The following PACRGL variants were observed in gnomAD, a reference collection of about 807,000 sequenced individuals.
PACRGL encodes PACRG-like protein.
In PACRGL, 38 loss-of-function variants were observed where a neutral mutation model predicts 34.5. The ratio of observed to expected loss-of-function variants is 1.10; its 90% CI spans 0.85 to 1.44. The LOEUF (loss-of-function observed/expected upper bound fraction) is 1.44, where lower values mean the gene tolerates loss of function less well. Ranked by LOEUF, PACRGL falls within the 40% of genes most tolerant of loss-of-function variation. The probability of loss-of-function intolerance (pLI) is 0.00; values close to 1 mark genes in which losing one functional copy is unlikely to be tolerated. For missense variants in PACRGL, 305 were observed against 281.4 expected (o/e 1.08, Z -0.60); for synonymous variants, 128 against 100.1 (o/e 1.28, Z -1.66).
rs1030930527 is a variant in PACRGL, at chr4:20,731,437, C to A, written c.*4096C>A. On this transcript the variant is annotated 3_prime_UTR_variant, in exon 9 of 9. Transcript: ENST00000503585. Reference sequence around the variant, plus strand: ...TCAAATAATTCTAAGTAAGCTAACACTGGTTTCTTTGATAACAGGCTACTA... The same window carrying A: ...TCAAATAATTCTAAGTAAGCTAACAATGGTTTCTTTGATAACAGGCTACTA... The A allele has an allele frequency of 1.0e-6, 1 of 985,236 alleles. No individual in the cohort carries two copies. The highest frequency in any genetic ancestry group is 1.7e-5 in the African/African-American group (1 of 57,242). 61.0% of individuals were successfully genotyped at this position (985,236 alleles called of 1,614,324 possible).
chr4:20,724,759 ATTG>A (rs1181268242), intron 7 of PACRGL, 46 bp from the exon 8 acceptor site: 8 of 1,098,426 alleles, frequency 7.3e-6, no homozygotes, highest in Non-Finnish European at 9.9e-6. Flanking sequence ...TATGGTGAGC[ATTG>A]TTAAGTTTAA....
At chr4:20,767,366 G>A in the PACRGL span, 1 of 151,986 alleles carries the variant, frequency 6.6e-6, no homozygotes, top group Non-Finnish European at 1.5e-5. Context: ...AATGTCAGTA[G>A]AAACCCAGGA....
intron 4 of PACRGL, among the ~76,000 whole-genome samples, chr4:20,708,134 C>A (rs958331015): frequency 2.6e-5 from 4 of 152,042 alleles, no homozygotes; most frequent in Non-Finnish European, 5.9e-5. Context: ...CTAAAATAAT[C>A]AATTTAAGCA....
At chr4:20,746,602 A>G (rs1275632640) in intron 8 of PACRGL, among the ~76,000 whole-genome samples, 1 of 152,174 alleles carries the variant, frequency 6.6e-6, no homozygotes, top group Non-Finnish European at 1.5e-5. Context: ...CCAGACACAG[A>G]GCCAAGCCCT....
chr4:20,752,218 C>A (rs1443311721), intron 8 of PACRGL, among the ~76,000 whole-genome samples: 1 of 152,002 alleles, frequency 6.6e-6, no homozygotes, highest in African/African-American at 2.4e-5. Flanking sequence ...GCCACCATGC[C>A]CGGCGAATTT....
the PACRGL span, among the ~76,000 whole-genome samples, chr4:20,765,551 C>T: frequency 2.0e-5 from 3 of 152,128 alleles, no homozygotes; most frequent in African/African-American, 7.2e-5. Flanking sequence ...TCCTGTGTGC[C>T]ACATACTCTT....
chr4:20,724,730 C>A, intron 7 of PACRGL, 78 bp from the exon 8 acceptor site: 1 of 730,294 alleles, frequency 1.4e-6, no homozygotes, highest in Non-Finnish European at 2.0e-6. Context: ...AGGGGTGCTC[C>A]TGAAGATTTA....
upstream of PACRGL, chr4:20,700,362 C>T (rs1481119796): frequency 6.6e-6 from 1 of 152,238 alleles, no homozygotes; most frequent in Non-Finnish European, 1.5e-5. Flanking sequence ...TCTGGGGCGC[C>T]TCCGCGACCT....
downstream of PACRGL, chr4:20,734,794 AAAC>A: frequency 1.1e-6 from 1 of 951,224 alleles, no homozygotes; most frequent in Admixed American, 2.7e-5. Context: ...AAAACAAAAA[AAAC>A]AAATGATGTA....
chr4:20,711,280 A>G (rs770678257), intron 5 of PACRGL, among the ~76,000 whole-genome samples: 1 of 152,166 alleles, frequency 6.6e-6, no homozygotes, highest in African/African-American at 2.4e-5. Context: ...ACTTCTGCTT[A>G]AAGTCAGCCT....
intron 8 of PACRGL, chr4:20,749,841 T>C (rs1753265996): frequency 1.6e-6 from 1 of 638,634 alleles, no homozygotes; most frequent in African/African-American, 1.8e-5. Context: ...CTCTGCCTCC[T>C]TTAGTTTGTG....
intron 4 of PACRGL, among the ~76,000 whole-genome samples, chr4:20,709,096 G>A (rs1369851846): frequency 2.6e-5 from 4 of 152,120 alleles, no homozygotes; most frequent in Non-Finnish European, 4.4e-5. Flanking sequence ...CCAAGATCGC[G>A]CCATTACACT....
At position 20,731,962 on chromosome 4, in the gene PACRGL, G is replaced by GT; in HGVS notation, c.*4623dup. 6.2e-7 allele frequency: 1 copy of GT among 1,610,086 alleles called. No individual in the cohort carries two copies. The highest frequency in any genetic ancestry group is 8.5e-7 in the Non-Finnish European group (1 of 1,178,490). ...CTAGCTGCTAATACTCAGTTTAGCT[G>GT]TTATGATAGCTGAATTGATAGTTAT... On this transcript the variant is annotated 3_prime_UTR_variant, in exon 9 of 9. Coordinates refer to ENST00000503585, the MANE Select transcript of PACRGL (RefSeq NM_001258345.3).
At chr4:20,759,813 G>A in the PACRGL span, among the ~76,000 whole-genome samples, 1 of 152,092 alleles carries the variant, frequency 6.6e-6, no homozygotes, top group African/African-American at 2.4e-5. Flanking sequence ...CTTGAGTGGT[G>A]GAGACTGACA....
In PACRGL at chr4:20,730,717, G is replaced by T. The variant is rs1164269247; in HGVS notation, c.*3376G>T. ...TCTCAATTACAGAGAAAGAATTGGG[G>T]AGCAGAAACCACTGCTCAGTGGCTG... On this transcript the variant is annotated 3_prime_UTR_variant, in exon 9 of 9. Transcript: ENST00000503585. 6.6e-6 allele frequency among the ~76,000 whole-genome samples: 1 copy of T among 152,184 alleles called. No individual in the cohort carries two copies. The highest frequency in any genetic ancestry group is 2.4e-5 in the African/African-American group (1 of 41,452).
Position 20,728,160 on chromosome 4 carries a change from A to AT in PACRGL, c.*821dup, listed in dbSNP as rs1436337250. 6.6e-6 allele frequency: 1 copy of AT among 152,146 alleles called. No homozygotes were observed. The highest frequency in any genetic ancestry group is 1.5e-5 in the Non-Finnish European group (1 of 68,032). The allele number at this position is 152,146 out of a possible 1,614,324, so 9.4% of individuals were successfully genotyped here. Reference sequence around the variant, plus strand: ...ACAATGCTTGGAAAATTTTCAGAGTATTCTAGTTTAAAAAATTTTTTCTAA... The same window carrying AT: ...ACAATGCTTGGAAAATTTTCAGAGTATTTCTAGTTTAAAAAATTTTTTCTAA... On this transcript the variant is annotated 3_prime_UTR_variant, in exon 9 of 9. Coordinates refer to ENST00000503585, the MANE Select transcript of PACRGL (RefSeq NM_001258345.3).
intron 4 of PACRGL, among the ~76,000 whole-genome samples, chr4:20,709,044 C>T (rs1023946766): frequency 6.6e-6 from 1 of 151,724 alleles, no homozygotes; most frequent in Non-Finnish European, 1.5e-5. Flanking sequence ...GAGGCTTAGG[C>T]AGGAGAATTG....
rs757556154 is a variant in PACRGL at position 20,730,103 on chromosome 4, C to T, written c.*2762C>T. The stretch of plus-strand genomic sequence containing the variant: ...CAAGTTAAATCACATTTTCAAAGAG[C>T]TGCATGGAGCGCATTATGTTTTCAT... On this transcript the variant is annotated 3_prime_UTR_variant, in exon 9 of 9. Transcript: ENST00000503585. 6.2e-7 allele frequency: 1 copy of T among 1,608,740 alleles called. No homozygotes were observed. The highest frequency in any genetic ancestry group is 8.5e-7 in the Non-Finnish European group (1 of 1,178,154).
chr4:20,729,857 A>AGAAT lies in PACRGL; in HGVS notation c.*2516_*2517insGAAT, dbSNP rs1747505227. 1 of 417,904 alleles carries AGAAT rather than the reference A, an allele frequency of 2.4e-6. No individual in the cohort carries two copies. The highest frequency in any genetic ancestry group is 2.0e-5 in the African/African-American group (1 of 48,858). The allele number at this position is 417,904 out of a possible 1,614,324, so 25.9% of individuals were successfully genotyped here. A position where few individuals can be genotyped will look rare whatever the true frequency, so the allele number is the denominator to read the frequency against. On this transcript the variant is annotated 3_prime_UTR_variant, in exon 9 of 9. Transcript: ENST00000503585. ...ACTTTTGAATATTCACAGAGTATGA[A>AGAAT]ATGAGTTAGACCATCCCCTGAACTC... is the stretch of plus-strand genomic sequence containing the variant.
Sources: gnomAD v4.1 joint callset for allele counts (sites outside exome capture counted in the v4.1 genomes callset) on GRCh38, gnomAD v4.1.1 for gene constraint, MANE v1.5 for transcripts, NCBI Gene and HGNC (gene_info 2026-07-23, HGNC 2026-07-21) for gene names.